SCAMP5: variants seen among roughly 807,000 people sequenced by gnomAD.
SCAMP5 encodes secretory carrier-associated membrane protein 5.
Under a neutral mutation model 28.3 loss-of-function variants are expected in SCAMP5, and 7 were observed. The observed-to-expected ratio is 0.25, with a 90% CI of 0.14 to 0.46. SCAMP5 has a LOEUF of 0.46. Among genes scored for constraint, SCAMP5 ranks in the 20% least tolerant of loss-of-function variants. The probability of loss-of-function intolerance (pLI) is 0.99; values close to 1 mark genes in which losing one functional copy is unlikely to be tolerated. For missense variants in SCAMP5, 192 were observed against 312.5 expected (o/e 0.61, Z 2.91); for synonymous variants, 117 against 116.4 (o/e 1.00, Z -0.03).
chr15:75,012,876 G>C (rs771871930), intron 3 of SCAMP5, 71 bp downstream of exon 3: 10 of 1,485,782 alleles, frequency 6.7e-6, no homozygotes, highest in Non-Finnish European at 9.4e-6. Flanking sequence ...GCTGGGCAGC[G>C]GGGTGGGGTG....
At chr15:75,000,683 C>CTTTTTT (rs58106804) in intron 1 of SCAMP5, among the ~76,000 whole-genome samples, 1 of 120,286 alleles carries the variant, frequency 8.3e-6, no homozygotes, top group Admixed American at 9.1e-5. Context: ...CGCACCCAGC[C>CTTTTTT]TTTTTTTTTT....
rs188513649 is a variant in SCAMP5 at position 75,014,284 on chromosome 15, G to A, written c.136+1479G>A. 2.7e-3 allele frequency among the ~76,000 whole-genome samples: 408 copies of A among 152,246 alleles called. 3 individuals carry two copies. Among genetic ancestry groups the A allele is most frequent in the Middle Eastern group, 0.02 (6 of 294 alleles). On this transcript the variant is annotated intron_variant, in intron 3 of 6. Transcript: ENST00000425597. ...CCTGGCTTGGCCTTTGAGTGAAGAA[G>A]GGATCTCCCACCATGTAACCTGAGA... is the stretch of plus-strand genomic sequence containing the variant.
chr15:75,011,700 C>A, intron 1 of SCAMP5, 92 bp from the exon 2 acceptor site: 2 of 621,666 alleles, frequency 3.2e-6, no homozygotes, highest in Non-Finnish European at 2.9e-6. Context: ...GGGTCCTGTC[C>A]TGGGGAGCTT....
chr15:75,016,310 G>A (rs530030245), intron 3 of SCAMP5, among the ~76,000 whole-genome samples: 1 of 152,246 alleles, frequency 6.6e-6, no homozygotes, highest in Admixed American at 6.5e-5. Context: ...GGGTTGGTTC[G>A]AGCTCCCAGC....
chr15:75,019,291 T>G lies in SCAMP5; in HGVS notation c.*308T>G, dbSNP rs1259231695. Reference sequence around the variant, plus strand: ...TCTCTTGTGGTGCTAGATGTGTGTTTAGAGCTAAACCAGCCCCCACCCCCA... The same window carrying G: ...TCTCTTGTGGTGCTAGATGTGTGTTGAGAGCTAAACCAGCCCCCACCCCCA... On this transcript the variant is annotated 3_prime_UTR_variant, in exon 7 of 7. Coordinates refer to ENST00000425597, the MANE Select transcript of SCAMP5 (RefSeq NM_138967.4). The G allele has an allele frequency of 5.5e-6, 1 of 183,420 alleles. No individual in the cohort carries two copies. Among genetic ancestry groups the G allele is most frequent in the African/African-American group, 2.3e-5 (1 of 42,634 alleles). The allele number at this position is 183,420 out of a possible 1,614,324, so 11.4% of individuals were successfully genotyped here.
In SCAMP5 at chr15:74,996,339, G is replaced by C. The variant is rs1312427244; in HGVS notation, c.-49+666G>C. 1 of 152,414 alleles carries C rather than the reference G, an allele frequency of 6.6e-6. No individual in the cohort carries two copies. Among genetic ancestry groups the C allele is most frequent in the African/African-American group, 2.4e-5 (1 of 41,466 alleles). 9.4% of individuals were successfully genotyped at this position (152,414 alleles called of 1,614,324 possible). A position where few individuals can be genotyped will look rare whatever the true frequency, so the allele number is the denominator to read the frequency against. On this transcript the variant is annotated intron_variant, in intron 1 of 6. Transcript: ENST00000425597. The surrounding 1 kb of genome is among the most constrained non-coding windows in gnomAD (Gnocchi z 4.1). Reference sequence around the variant, plus strand: ...GATGGAGGTGAGGTGTTTGTGAACCGATCCTTGTCCTCCGCCTCGGGGAGC... The same window carrying C: ...GATGGAGGTGAGGTGTTTGTGAACCCATCCTTGTCCTCCGCCTCGGGGAGC...
intron 1 of SCAMP5, among the ~76,000 whole-genome samples, chr15:75,004,710 G>A (rs1266855093): frequency 6.6e-6 from 1 of 151,594 alleles, no homozygotes; most frequent in Non-Finnish European, 1.5e-5. Flanking sequence ...TCCAGCCTGG[G>A]TGACAGAGTG....
chr15:75,015,154 A>G (rs1404255303), intron 3 of SCAMP5, among the ~76,000 whole-genome samples: 2 of 150,180 alleles, frequency 1.3e-5, no homozygotes, highest in East Asian at 4.0e-4. Flanking sequence ...TTTACTCCCA[A>G]GGAAATGTAT....
At position 75,016,656 on chromosome 15, in the gene SCAMP5, G is replaced by A; in HGVS notation, c.200G>A (p.Gly67Glu). The change falls in exon 4 of 7, where the codon GGA (glycine) becomes GAA (glutamate). Residue 67 changes from glycine to glutamate, a missense_variant. Physicochemically the swap from Gly to Glu is moderately conservative, Grantham distance 98. Transcript: ENST00000425597. Reference sequence around the variant, plus strand: ...CTCGCGTGGCTGATCGGAGGCGGGGGAGCCACCAACTTTGGCCTCGCCTTT... The same window carrying A: ...CTCGCGTGGCTGATCGGAGGCGGGGAAGCCACCAACTTTGGCCTCGCCTTT... ...GCLAWLIGGG[G>E]ATNFGLAFLW... 6.2e-7 allele frequency: 1 copy of A among 1,613,816 alleles called. No homozygotes were observed.
intron 1 of SCAMP5, among the ~76,000 whole-genome samples, chr15:74,998,252 A>T (rs2065670572): frequency 1.3e-5 from 2 of 152,248 alleles, no homozygotes; most frequent in South Asian, 4.1e-4. Flanking sequence ...TGTAGCCCTT[A>T]TCCCCATTAT....
rs977141415 is a variant in SCAMP5 at position 75,011,943 on chromosome 15, G to C, written c.7+97G>C. 1.4e-5 allele frequency: 14 copies of C among 1,013,262 alleles called. No homozygotes were observed. The Admixed American group carries it at 2.4e-4, about 17-fold the overall frequency. 62.8% of individuals were successfully genotyped at this position (1,013,262 alleles called of 1,614,324 possible). On this transcript the variant is annotated intron_variant, in intron 2 of 6. Transcript: ENST00000425597. The stretch of plus-strand genomic sequence containing the variant: ...CCCTTATCTCCCCTAGTCTTTGGAG[G>C]CCAGGTTCTTTCCATCTTACTGTCC...
Position 74,996,679 on chromosome 15 carries a change from G to A in SCAMP5, c.-49+1006G>A, listed in dbSNP as rs1391599826. Among the ~76,000 whole-genome samples the A allele has an allele frequency of 1.3e-5, 2 of 152,206 alleles. No individual in the cohort carries two copies. The highest frequency in any genetic ancestry group is 2.9e-5 in the Non-Finnish European group (2 of 68,032). ...GCTCAGCCATGTGACTGCCCATGGG[G>A]TGGTGGAGTCTGGAGAAATTTGCAA... On this transcript the variant is annotated intron_variant, in intron 1 of 6. Coordinates refer to ENST00000425597, the MANE Select transcript of SCAMP5 (RefSeq NM_138967.4). This position sits in a 1 kb window ranked among gnomAD's most constrained non-coding sequence, Gnocchi z 4.1.
intron 1 of SCAMP5, among the ~76,000 whole-genome samples, chr15:75,004,843 C>G (rs1368084127): frequency 6.6e-6 from 1 of 152,036 alleles, no homozygotes; most frequent in Middle Eastern, 3.2e-3. Context: ...TCAAGTTTCT[C>G]TAGTTGTCCT....
Position 75,021,227 on chromosome 15 carries a change from A to G in SCAMP5, c.*2244A>G, listed in dbSNP as rs2065901402. ...TGGGATGCTGCATCTCCAGGCAACT[A>G]TGCACTTTCCCGGGGAGAGAACCAG... On this transcript the variant is annotated 3_prime_UTR_variant, in exon 7 of 7. Transcript: ENST00000425597. 6.6e-6 allele frequency: 1 copy of G among 152,272 alleles called. No homozygotes were observed. The highest frequency in any genetic ancestry group is 2.1e-4 in the South Asian group (1 of 4,816). The allele number at this position is 152,272 out of a possible 1,614,324, so 9.4% of individuals were successfully genotyped here.
intron 1 of SCAMP5, among the ~76,000 whole-genome samples, chr15:75,001,458 A>C (rs1337328375): frequency 6.6e-6 from 1 of 151,144 alleles, no homozygotes; most frequent in African/African-American, 2.4e-5. Context: ...CCTCCCTCTC[A>C]CCTTCATCTT....
intron 1 of SCAMP5, among the ~76,000 whole-genome samples, chr15:75,006,742 T>C (rs1003145543): frequency 2.0e-5 from 3 of 148,902 alleles, no homozygotes; most frequent in African/African-American, 5.0e-5. Context: ...GCCGCTGCAC[T>C]CTGGCCTGGG....
At chr15:75,017,773 C>T (rs2065871493) in intron 4 of SCAMP5, 97 bp from the exon 5 acceptor site, 4 of 800,306 alleles carry the variant, frequency 5.0e-6, no homozygotes, top group Non-Finnish European at 6.7e-6. Context: ...TGTCTTCTGT[C>T]CATTATGCAC....
At chr15:75,001,059 T>C (rs775405690) in intron 1 of SCAMP5, among the ~76,000 whole-genome samples, 1 of 149,966 alleles carries the variant, frequency 6.7e-6, no homozygotes, top group Non-Finnish European at 1.5e-5. Flanking sequence ...AGGAGATCGA[T>C]ACTAGCCGAG....
intron 4 of SCAMP5, 70 bp downstream of exon 4, chr15:75,016,819 T>A: frequency 1.5e-6 from 2 of 1,340,246 alleles, no homozygotes; most frequent in Admixed American, 4.8e-5. Flanking sequence ...CTCCATATCT[T>A]TTCTCACTTC....
Sources: allele counts gnomAD v4.1 joint callset (sites outside exome capture counted in the v4.1 genomes callset), GRCh38; gene constraint gnomAD v4.1.1; non-coding constraint Gnocchi (gnomAD v3.1); transcripts MANE v1.5; gene names NCBI Gene and HGNC (gene_info 2026-07-23, HGNC 2026-07-21).